FAM241A: variants seen among roughly 807,000 people sequenced by gnomAD.
FAM241A encodes the protein family with sequence similarity 241 member A.
In FAM241A, 7 loss-of-function variants were observed where a neutral mutation model predicts 12.2. The observed-to-expected ratio is 0.58, with a 90% CI of 0.33 to 1.08. The LOEUF (loss-of-function observed/expected upper bound fraction) is 1.08, where lower values mean the gene tolerates loss of function less well. FAM241A is among the 50% of genes least tolerant of loss of function. The probability of loss-of-function intolerance (pLI) is 0.04; values close to 1 mark genes in which losing one functional copy is unlikely to be tolerated. For synonymous variants in FAM241A, 74 were observed against 68.2 expected, an observed-to-expected ratio of 1.08 and a Z score of -0.42; for missense variants, 161 against 169.7, an observed-to-expected ratio of 0.95 and a Z score of 0.29.
intron 1 of FAM241A, among the ~76,000 whole-genome samples, chr4:112,146,041 A>G (rs1723130543): frequency 6.6e-6 from 1 of 152,142 alleles, no homozygotes; most frequent in South Asian, 2.1e-4. Context: ...CTCGGAGGAA[A>G]TGCCCTCCAT....
chr4:112,152,370 A>G (rs1723261012), intron 1 of FAM241A, among the ~76,000 whole-genome samples: 1 of 152,252 alleles, frequency 6.6e-6, no homozygotes, highest in Admixed American at 6.5e-5. Flanking sequence ...AATAGTGCCA[A>G]AGTTGAGAAA....
intron 1 of FAM241A, among the ~76,000 whole-genome samples, chr4:112,154,899 T>A (rs1041318570): frequency 3.3e-5 from 5 of 152,022 alleles, no homozygotes; most frequent in African/African-American, 9.7e-5. Flanking sequence ...CCGGGTATGG[T>A]GGGGAATACC....
intron 1 of FAM241A, among the ~76,000 whole-genome samples, chr4:112,176,563 C>T (rs1723826811): frequency 6.6e-6 from 1 of 152,126 alleles, no homozygotes; most frequent in Non-Finnish European, 1.5e-5. Flanking sequence ...CTCTTCATTC[C>T]TAATTTCTAA....
At chr4:112,185,712 G>T (rs138968857) in intron 1 of FAM241A, among the ~76,000 whole-genome samples, 7 of 152,220 alleles carry the variant, frequency 4.6e-5, no homozygotes, top group Admixed American at 3.9e-4. Context: ...GGTATCTGAG[G>T]AAGAAGCACC....
chr4:112,166,212 C>G (rs1398036423), intron 1 of FAM241A, among the ~76,000 whole-genome samples: 1 of 151,568 alleles, frequency 6.6e-6, no homozygotes, highest in Non-Finnish European at 1.5e-5. Context: ...CCACACCCGG[C>G]TAATTTTTTT....
intron 1 of FAM241A, among the ~76,000 whole-genome samples, chr4:112,172,858 T>TTGTTAATATGTTTATTTA (rs1342350423): frequency 6.6e-6 from 1 of 152,180 alleles, no homozygotes; most frequent in Non-Finnish European, 1.5e-5. Context: ...TGTTTATTTA[T>TTGTTAATATGTTTATTTA]TTGCTGTTTT....
At chr4:112,149,072 A>C (rs1360681482) in intron 1 of FAM241A, among the ~76,000 whole-genome samples, 1 of 11,034 alleles carries the variant, frequency 9.1e-5, no homozygotes, top group Non-Finnish European at 1.5e-4. Context: ...AGCCTTTGAA[A>C]TCCCACTCTA....
At chr4:112,176,039 A>G (rs1723814066) in intron 1 of FAM241A, among the ~76,000 whole-genome samples, 1 of 152,218 alleles carries the variant, frequency 6.6e-6, no homozygotes, top group African/African-American at 2.4e-5. Flanking sequence ...TCACTCAGCA[A>G]AAGCCTATTT....
chr4:112,165,259 A>G (rs1036748467), intron 1 of FAM241A, among the ~76,000 whole-genome samples: 18 of 152,168 alleles, frequency 1.2e-4, no homozygotes, highest in African/African-American at 4.3e-4. Context: ...AATGACAAAT[A>G]CTAGTGAGGA....
chr4:112,192,286 T>C lies in FAM241A; in HGVS notation c.*5348T>C, dbSNP rs1724181060. On this transcript the variant is annotated 3_prime_UTR_variant, in exon 2 of 2. Transcript: ENST00000309733. ...ACTGATACTACCAGAACTTCACTTT[T>C]GTTCAGTATTTTTTAATAGACCTTT... 1 of 152,176 alleles carries C rather than the reference T, an allele frequency of 6.6e-6. No individual in the cohort carries two copies. The highest frequency in any genetic ancestry group is 2.4e-5 in the African/African-American group (1 of 41,426). 9.4% of individuals were successfully genotyped at this position (152,176 alleles called of 1,614,324 possible). A position where few individuals can be genotyped will look rare whatever the true frequency, so the allele number is the denominator to read the frequency against.
intron 1 of FAM241A, 39 bp downstream of exon 1, chr4:112,145,772 G>C: frequency 8.8e-7 from 1 of 1,139,180 alleles, no homozygotes; most frequent in Non-Finnish European, 1.1e-6. Context: ...CGGCCGGGTC[G>C]GGGGCCGCGA....
chr4:112,146,250 T>TA (rs971513164), intron 1 of FAM241A, among the ~76,000 whole-genome samples: 1 of 152,088 alleles, frequency 6.6e-6, no homozygotes. Flanking sequence ...GAGCGGGTGT[T>TA]ACAATGAATG....
rs762336096 is a variant in FAM241A, at chr4:112,186,973, G to A, written c.*35G>A. On this transcript the variant is annotated 3_prime_UTR_variant, in exon 2 of 2. Transcript: ENST00000309733. ...GAATTGAATTGTTTGACATTTGGTAGCCATATATGTAATTGAAGAAGTTAT... is the reference window on the plus strand; with the variant it reads ...GAATTGAATTGTTTGACATTTGGTAACCATATATGTAATTGAAGAAGTTAT... 1 of 1,585,352 alleles carries A rather than the reference G, an allele frequency of 6.3e-7. No homozygotes were observed. The highest frequency in any genetic ancestry group is 8.6e-7 in the Non-Finnish European group (1 of 1,165,406).
rs539828962 is a variant in FAM241A at position 112,175,214 on chromosome 4, T to TA, written c.154-11478dup. ...AGTAGATATGCTAGCTATATCTGAG[T>TA]ACTTAAATTATGTCAATGAAACCGT... On this transcript the variant is annotated intron_variant, in intron 1 of 1. Coordinates refer to ENST00000309733, the MANE Select transcript of FAM241A (RefSeq NM_152400.3). 1.1e-4 allele frequency among the ~76,000 whole-genome samples: 16 copies of TA among 152,304 alleles called. No individual in the cohort carries two copies. The East Asian group carries it at 3.1e-3, about 29-fold the overall frequency.
chr4:112,185,001 GAT>G (rs1425983964), intron 1 of FAM241A, among the ~76,000 whole-genome samples: 1 of 151,956 alleles, frequency 6.6e-6, no homozygotes, highest in Non-Finnish European at 1.5e-5. Flanking sequence ...TCCCTTATAA[GAT>G]AATTAATTTT....
chr4:112,185,116 G>T (rs1295201417), intron 1 of FAM241A, among the ~76,000 whole-genome samples: 1 of 151,960 alleles, frequency 6.6e-6, no homozygotes, highest in Non-Finnish European at 1.5e-5. Flanking sequence ...TCTCCATCAT[G>T]TACATACTAT....
At chr4:112,162,106 A>G (rs927412862) in intron 1 of FAM241A, among the ~76,000 whole-genome samples, 3 of 152,264 alleles carry the variant, frequency 2.0e-5, no homozygotes, top group African/African-American at 4.8e-5. Context: ...ACAAAATTCA[A>G]CAACCCTTCA....
chr4:112,183,073 G>A (rs1723973615), intron 1 of FAM241A, among the ~76,000 whole-genome samples: 1 of 150,464 alleles, frequency 6.6e-6, no homozygotes, highest in African/African-American at 2.5e-5. Context: ...TATATTTGAT[G>A]TTTCTACAGA....
chr4:112,156,165 A>G (rs1453231419), intron 1 of FAM241A, among the ~76,000 whole-genome samples: 1 of 152,224 alleles, frequency 6.6e-6, no homozygotes, highest in Non-Finnish European at 1.5e-5. Context: ...TTCAGGATAT[A>G]AAATACTGTA....
Sources: gnomAD v4.1 joint callset for allele counts (sites outside exome capture counted in the v4.1 genomes callset) on GRCh38, gnomAD v4.1.1 for gene constraint, MANE v1.5 for transcripts, NCBI Gene and HGNC (gene_info 2026-07-23, HGNC 2026-07-21) for gene names.